Variants in LPL observed in about 807,000 individuals in gnomAD.
LPL encodes lipoprotein lipase.
In LPL, 43 loss-of-function variants were observed where a neutral mutation model predicts 52.2. The observed-to-expected ratio is 0.82, with a 90% CI of 0.64 to 1.06. The LOEUF is 1.06. LPL is among the 50% of genes least tolerant of loss of function. LPL has a pLI of 0.00. For missense variants in LPL, 639 were observed against 585.3 expected (o/e 1.09, Z -0.95); for synonymous variants, 244 against 215.6 (o/e 1.13, Z -1.15).
chr8:19,943,511 G>A (rs977449658), intron 1 of LPL, among the ~76,000 whole-genome samples: 2 of 152,168 alleles, frequency 1.3e-5, no homozygotes, highest in Admixed American at 1.3e-4. Context: ...AGTAATCATG[G>A]ACTTTCATTG....
At chr8:19,947,485 C>T (rs893105939) in intron 1 of LPL, among the ~76,000 whole-genome samples, 7 of 152,066 alleles carry the variant, frequency 4.6e-5, no homozygotes, top group African/African-American at 1.4e-4. Flanking sequence ...ACAAGAAATA[C>T]AAGTTAGCCT....
chr8:19,956,148 A>T, intron 6 of LPL, 65 bp downstream of exon 6: 1 of 1,602,592 alleles, frequency 6.2e-7, no homozygotes, highest in Non-Finnish European at 8.5e-7. Context: ...TCACTGCATC[A>T]CATGTACTGA....
chr8:19,949,313 A>ATCGC (rs1320030912), intron 2 of LPL, among the ~76,000 whole-genome samples: 1 of 152,180 alleles, frequency 6.6e-6, no homozygotes, highest in African/African-American at 2.4e-5. Context: ...GAAGAGGACA[A>ATCGC]TCGCTACAAT....
intron 2 of LPL, among the ~76,000 whole-genome samples, chr8:19,949,900 A>C (rs112615099): frequency 1.2e-4 from 18 of 152,252 alleles, no homozygotes; most frequent in African/African-American, 4.3e-4. Context: ...TGAGTATCTC[A>C]GTCATCTCAA....
intron 6 of LPL, among the ~76,000 whole-genome samples, chr8:19,958,737 G>A (rs1368850158): frequency 6.6e-6 from 1 of 152,154 alleles, no homozygotes; most frequent in African/African-American, 2.4e-5. Context: ...ATCTGCGCTA[G>A]ATGGTGGGGG....
At chr8:19,963,914 T>G (rs75278536) in intron 9 of LPL, among the ~76,000 whole-genome samples, 14,293 of 152,202 alleles carry the variant, frequency 0.094, 658 homozygotes, top group East Asian at 0.11. Flanking sequence ...TCTTCAGTTC[T>G]TAGAAAGAGA....
chr8:19,962,340 T>C (rs1298990251), intron 9 of LPL, 121 bp downstream of exon 9: 2 of 760,268 alleles, frequency 2.6e-6, no homozygotes, highest in Non-Finnish European at 2.4e-6. Flanking sequence ...GATCAAAGCA[T>C]TCAATCAGTC....
Position 19,961,015 on chromosome 8 carries a change from A to T in LPL, c.1254A>T (p.Ser418=), listed in dbSNP as rs1246231064. The change falls in exon 8 of 10, where the codon TCA becomes TCT. Residue 418 remains serine, a synonymous_variant. Transcript: ENST00000650287. ...AGAGTGATTCATACTTTAGCTGGTCAGACTGGTGGAGCAGTCCCGGCTTCG... is the reference window on the plus strand; with the variant it reads ...AGAGTGATTCATACTTTAGCTGGTCTGACTGGTGGAGCAGTCCCGGCTTCG... ...KWKSDSYFSW[S]DWWSSPGFAI... 6.2e-7 allele frequency: 1 copy of T among 1,614,200 alleles called. No individual in the cohort carries two copies.
chr8:19,960,861 G>A (rs772651657), intron 7 of LPL, 40 bp from the exon 8 acceptor site: 12 of 1,503,664 alleles, frequency 8.0e-6, no homozygotes, highest in Non-Finnish European at 1.1e-5. Context: ...AGGGAGAGCT[G>A]ATCTCTATAA....
chr8:19,954,103 C>CT lies in LPL; in HGVS notation c.542-11dup, dbSNP rs773422607. ...GGAAATTTACAAATCTGTGTTCCTG[C>CT]TTTTTTCCCTTTTAAGGCCTCGATC... On this transcript the variant is annotated splice_polypyrimidine_tract_variant and intron_variant, in intron 4 of 9. Transcript: ENST00000650287. 1 of 1,585,200 alleles carries CT rather than the reference C, an allele frequency of 6.3e-7. No individual in the cohort carries two copies. Among genetic ancestry groups the CT allele is most frequent in the East Asian group, 2.2e-5 (1 of 44,758 alleles).
At chr8:19,961,315 G>A (rs2070037568) in intron 8 of LPL, among the ~76,000 whole-genome samples, 1 of 151,866 alleles carries the variant, frequency 6.6e-6, no homozygotes, top group African/African-American at 2.4e-5. Flanking sequence ...CATAAGCCCT[G>A]AATCGCTCAC....
rs1175861124 is a variant in LPL, at chr8:19,966,770, G to T, written c.*1460G>T. 1 of 152,166 alleles carries T rather than the reference G, an allele frequency of 6.6e-6. No homozygotes were observed. Among genetic ancestry groups the T allele is most frequent in the Non-Finnish European group, 1.5e-5 (1 of 68,032 alleles). 9.4% of individuals were successfully genotyped at this position (152,166 alleles called of 1,614,324 possible). On this transcript the variant is annotated 3_prime_UTR_variant, in exon 10 of 10. Coordinates refer to ENST00000650287, the MANE Select transcript of LPL (RefSeq NM_000237.3). ...CCCTTTCTCTGAGAGAGATGATCGT[G>T]CCTATAAATAGTAGGACCAATGTTG...
At position 19,951,793 on chromosome 8, in the gene LPL, G is replaced by C; in HGVS notation, c.274G>C (p.Val92Leu). 6.2e-7 allele frequency: 1 copy of C among 1,614,180 alleles called. No individual in the cohort carries two copies. Among genetic ancestry groups the C allele is most frequent in the Non-Finnish European group, 8.5e-7 (1 of 1,180,034 alleles). Residue 92 changes from valine to leucine, a missense_variant, in exon 3 of 10, where the codon GTG (valine) becomes CTG (leucine). Transcript: ENST00000650287. ...WTVTGMYESW[V>L]PKLVAALYKR... ...GGTAACAGGAATGTATGAGAGTTGG[G>C]TGCCAAAACTTGTGGCCGCCCTGTA...
At chr8:19,964,002 G>T (rs2070063730) in intron 9 of LPL, among the ~76,000 whole-genome samples, 1 of 151,820 alleles carries the variant, frequency 6.6e-6, no homozygotes, top group Admixed American at 6.6e-5. Flanking sequence ...GCCCAGGCTG[G>T]AGTGTAGTGG....
At chr8:19,953,944 T>A (rs1172208281) in intron 4 of LPL, among the ~76,000 whole-genome samples, 176 bp from the exon 5 acceptor site, 1 of 152,192 alleles carries the variant, frequency 6.6e-6, no homozygotes, top group Non-Finnish European at 1.5e-5. Context: ...CAAATTCATT[T>A]TAGAAGGAGC....
chr8:19,946,978 G>A (rs2128836660), intron 1 of LPL, among the ~76,000 whole-genome samples: 1 of 152,252 alleles, frequency 6.6e-6, no homozygotes, highest in South Asian at 2.1e-4. Flanking sequence ...GGTTTGCTGT[G>A]GTTTTCAAGT....
At chr8:19,956,293 G>A (rs1466076695) in intron 6 of LPL, among the ~76,000 whole-genome samples, 1 of 152,204 alleles carries the variant, frequency 6.6e-6, no homozygotes, top group Non-Finnish European at 1.5e-5. Context: ...CCAGTGCTCA[G>A]TGTGGGATTT....
intron 3 of LPL, 140 bp from the exon 4 acceptor site, chr8:19,953,170 C>A: frequency 6.2e-6 from 4 of 646,352 alleles, no homozygotes; most frequent in Non-Finnish European, 1.1e-5. Flanking sequence ...TCTCTCTTAC[C>A]TGTAACACAA....
At chr8:19,948,474 A>G (rs2069903379) in intron 2 of LPL, 134 bp downstream of exon 2, 2 of 1,071,838 alleles carry the variant, frequency 1.9e-6, no homozygotes, top group Non-Finnish European at 2.7e-6. Flanking sequence ...GAATAAAGAC[A>G]GTTCTGGCTC....
Sources: gnomAD v4.1 joint callset for allele counts (sites outside exome capture counted in the v4.1 genomes callset) on GRCh38, gnomAD v4.1.1 for gene constraint, MANE v1.5 for transcripts, NCBI Gene and HGNC (gene_info 2026-07-23, HGNC 2026-07-21) for gene names.